SPHKAP: variants seen among roughly 807,000 people sequenced by gnomAD.
The protein encoded by SPHKAP is SPHK1 interactor, AKAP domain containing, also known as A-kinase anchor protein SPHKAP.
SPHKAP carries 67 observed loss-of-function variants against 137.5 expected under a neutral mutation model. The ratio of observed to expected loss-of-function variants is 0.49; its 90% CI spans 0.40 to 0.60. The LOEUF (loss-of-function observed/expected upper bound fraction) is 0.60. Ranked by LOEUF, SPHKAP falls within the 20% of genes least tolerant of loss-of-function variation. The probability of loss-of-function intolerance (pLI) is 0.00; values close to 1 mark genes in which losing one functional copy is unlikely to be tolerated. For missense variants in SPHKAP, 2,097 were observed against 2,069.3 expected, an observed-to-expected ratio of 1.01 and a Z score of -0.26; for synonymous variants, 813 against 785.3, an observed-to-expected ratio of 1.04 and a Z score of -0.59.
At chr2:228,151,026 G>T (rs2106398912) in intron 1 of SPHKAP, among the ~76,000 whole-genome samples, 1 of 151,868 alleles carries the variant, frequency 6.6e-6, no homozygotes, top group East Asian at 1.9e-4. Flanking sequence ...CTGGTGTGCT[G>T]CACCCATTAA....
intron 3 of SPHKAP, among the ~76,000 whole-genome samples, chr2:228,104,651 CTGCT>C (rs1278049917): frequency 6.6e-6 from 1 of 152,028 alleles, no homozygotes; most frequent in Non-Finnish European, 1.5e-5. Context: ...ATGTTGAAGG[CTGCT>C]TGAGAGCTTT....
rs1559336374 is a variant in SPHKAP, at chr2:227,993,567, T to TA, written c.4687dup (p.Tyr1563LeufsTer12). The TA allele has an allele frequency of 1.2e-6, 2 of 1,604,866 alleles. No homozygotes were observed. Among genetic ancestry groups the TA allele is most frequent in the Non-Finnish European group, 1.7e-6 (2 of 1,175,756 alleles). On this transcript the variant is annotated frameshift_variant, in exon 9 of 12. Coordinates refer to ENST00000392056, the MANE Select transcript of SPHKAP (RefSeq NM_001142644.2). LOFTEE classifies it high-confidence loss of function. Reference sequence around the variant, plus strand: ...GGGAGAAGATGGCATGCTTTCCTGATAAATGTCCAGATCCATAATGCCAAG... The same window carrying TA: ...GGGAGAAGATGGCATGCTTTCCTGATAAAATGTCCAGATCCATAATGCCAAG...
intron 3 of SPHKAP, among the ~76,000 whole-genome samples, chr2:228,057,165 T>C (rs1203153455): frequency 6.6e-6 from 1 of 152,178 alleles, no homozygotes; most frequent in Non-Finnish European, 1.5e-5. Flanking sequence ...CTATAATACC[T>C]TAAAAGAGCA....
intron 2 of SPHKAP, among the ~76,000 whole-genome samples, chr2:228,125,639 T>G (rs1699053765): frequency 6.6e-6 from 1 of 152,208 alleles, no homozygotes; most frequent in East Asian, 1.9e-4. Context: ...ATAACAGTTT[T>G]TTTATTTATT....
intron 3 of SPHKAP, among the ~76,000 whole-genome samples, chr2:228,064,425 C>T (rs12694772): frequency 0.67 from 101,942 of 152,132 alleles, 34,471 homozygotes; most frequent in African/African-American, 0.78. Context: ...GATGTTTTTA[C>T]TTTTTAGAGT....
rs1694669162 is a variant in SPHKAP, at chr2:228,017,838, TCCTC to T, written c.3012_3015del (p.Lys1006ArgfsTer11). 6.2e-7 allele frequency: 1 copy of T among 1,613,942 alleles called. No homozygotes were observed. The highest frequency in any genetic ancestry group is 8.5e-7 in the Non-Finnish European group (1 of 1,180,010). On this transcript the variant is annotated frameshift_variant, in exon 7 of 12. Coordinates refer to ENST00000392056, the MANE Select transcript of SPHKAP (RefSeq NM_001142644.2). LOFTEE classifies it high-confidence loss of function. ...TTAAGCTCAGGGTGCTCGTCCGTCT[TCCTC>T]TTGATCTCACTGAGCCGGGGAGGCT...
chr2:228,108,117 A>G (rs940509991), intron 3 of SPHKAP, among the ~76,000 whole-genome samples: 2 of 152,138 alleles, frequency 1.3e-5, no homozygotes, highest in African/African-American at 4.8e-5. Flanking sequence ...AGTCATGCGA[A>G]TTACATTACA....
At chr2:228,060,856 G>C (rs1323410942) in intron 3 of SPHKAP, among the ~76,000 whole-genome samples, 1 of 152,132 alleles carries the variant, frequency 6.6e-6, no homozygotes, top group African/African-American at 2.4e-5. Flanking sequence ...AAAATTCTCA[G>C]AAAGCTCTGT....
chr2:228,115,151 T>C (rs2106356043), intron 2 of SPHKAP, among the ~76,000 whole-genome samples: 1 of 152,270 alleles, frequency 6.6e-6, no homozygotes, highest in African/African-American at 2.4e-5. Flanking sequence ...TTGGTGTTTC[T>C]ACTCCCATCA....
In SPHKAP at chr2:228,011,882, C is replaced by A. The variant is rs887099334; in HGVS notation, c.4448+4524G>T. 9.9e-5 allele frequency among the ~76,000 whole-genome samples: 15 copies of A among 151,934 alleles called. 1 individual carries two copies. In the South Asian group the frequency reaches 3.1e-3, roughly 31 times the overall value. ...AATCTTTTAACAGTTTTGAAATATA[C>A]AGGCCAGGCCCAGTGGCTCACACCT... On this transcript the variant is annotated intron_variant, in intron 7 of 11. Coordinates refer to ENST00000392056, the MANE Select transcript of SPHKAP (RefSeq NM_001142644.2).
Position 228,132,074 on chromosome 2 carries a change from G to A in SPHKAP, c.44C>T (p.Ser15Leu). 1 of 1,613,694 alleles carries A rather than the reference G, an allele frequency of 6.2e-7. No homozygotes were observed. Residue 15 changes from serine (S) to leucine (L), a missense_variant, in exon 2 of 12, where the codon TCA (serine) becomes TTA (leucine). Ser to Leu is a moderately radical substitution (Grantham distance 145, BLOSUM62 -2). Coordinates refer to ENST00000392056, the MANE Select transcript of SPHKAP (RefSeq NM_001142644.2). ...TTCCAAAACGTCATACATCCGTGAT[G>A]ACTCCAAGTTGCTGTTTGTGACCCA... Reference protein sequence around the residue: ...SLLSVPSNLESSRMYDVLEPQ... With the variant: ...SLLSVPSNLELSRMYDVLEPQ...
intron 1 of SPHKAP, among the ~76,000 whole-genome samples, chr2:228,150,913 ATAGT>A (rs1311589211): frequency 6.6e-6 from 1 of 151,634 alleles, no homozygotes; most frequent in Non-Finnish European, 1.5e-5. Context: ...CCATGCATAG[ATAGT>A]TTATTTATTT....
chr2:228,114,234 G>T (rs1166461315), intron 2 of SPHKAP, among the ~76,000 whole-genome samples: 1 of 152,094 alleles, frequency 6.6e-6, no homozygotes. Flanking sequence ...AATTTCATGA[G>T]TTCAGCAAAT....
intron 1 of SPHKAP, among the ~76,000 whole-genome samples, chr2:228,145,669 TA>T (rs967932399): frequency 2.2e-4 from 34 of 152,250 alleles, no homozygotes; most frequent in African/African-American, 8.2e-4. Flanking sequence ...AAATTATAAA[TA>T]AAAATATAGT....
intron 2 of SPHKAP, among the ~76,000 whole-genome samples, chr2:228,122,659 G>A (rs1698950493): frequency 6.6e-6 from 1 of 152,192 alleles, no homozygotes; most frequent in Non-Finnish European, 1.5e-5. Context: ...GGACCTGGTT[G>A]CCTTTAAGGC....
At chr2:228,071,066 C>T (rs1403465556) in intron 3 of SPHKAP, among the ~76,000 whole-genome samples, 4 of 152,152 alleles carry the variant, frequency 2.6e-5, no homozygotes, top group Admixed American at 2.0e-4. Flanking sequence ...ACCTCATTGT[C>T]TACACCTTCT....
At chr2:228,022,860 A>G (rs1316323989) in intron 5 of SPHKAP, among the ~76,000 whole-genome samples, 3 of 152,200 alleles carry the variant, frequency 2.0e-5, no homozygotes, top group African/African-American at 7.2e-5. Context: ...AACCTCTACT[A>G]CTAGTACTTC....
rs1692991726 is a variant in SPHKAP, at chr2:227,981,510, A to G, written c.*207T>C. On this transcript the variant is annotated 3_prime_UTR_variant, in exon 12 of 12. Transcript: ENST00000392056. ...TTCTAATCCAAGCTCTTTGGAACTC[A>G]CCCACAAGTTGTATGAATTTGGACA... The G allele has an allele frequency of 2.2e-6, 1 of 448,996 alleles. No homozygotes were observed. Among genetic ancestry groups the G allele is most frequent in the Non-Finnish European group, 3.7e-6 (1 of 268,268 alleles). The allele number at this position is 448,996 out of a possible 1,614,324, so 27.8% of individuals were successfully genotyped here. A position where few individuals can be genotyped will look rare whatever the true frequency, so the allele number is the denominator to read the frequency against.
chr2:228,135,344 T>C (rs1699407047), intron 1 of SPHKAP, among the ~76,000 whole-genome samples: 1 of 150,422 alleles, frequency 6.6e-6, no homozygotes, highest in Non-Finnish European at 1.5e-5. Context: ...AAATCACATC[T>C]AAATTGGGCA....
Sources: gnomAD v4.1 joint callset for allele counts (sites outside exome capture counted in the v4.1 genomes callset) on GRCh38, gnomAD v4.1.1 for gene constraint, MANE v1.5 for transcripts, NCBI Gene and HGNC (gene_info 2026-07-23, HGNC 2026-07-21) for gene names.